The following CNTNAP2 variants were observed in gnomAD, a reference collection of about 807,000 sequenced individuals.
CNTNAP2 encodes the protein contactin associated protein 2, also known as contactin-associated protein-like 2.
CNTNAP2 carries 98 observed loss-of-function variants against 155.2 expected under a neutral mutation model. The observed-to-expected ratio is 0.63, with a 90% CI of 0.54 to 0.75. The LOEUF (loss-of-function observed/expected upper bound fraction) is 0.75. Among genes scored for constraint, CNTNAP2 ranks in the 30% least tolerant of loss-of-function variants. The pLI, the probability that CNTNAP2 is intolerant of heterozygous loss-of-function variation, is 0.00. For missense variants in CNTNAP2, 1,727 were observed against 1,688.1 expected (o/e 1.02, Z -0.40); for synonymous variants, 651 against 631.2 (o/e 1.03, Z -0.47).
chr7:147,069,656 AG>A (rs1325352505), intron 4 of CNTNAP2, among the ~76,000 whole-genome samples: 1 of 152,210 alleles, frequency 6.6e-6, no homozygotes, highest in African/African-American at 2.4e-5. Context: ...AAGATATAAA[AG>A]CTGGCCCTTT....
intron 1 of CNTNAP2, among the ~76,000 whole-genome samples, chr7:146,279,445 C>T (rs1800215357): frequency 1.3e-5 from 2 of 151,862 alleles, no homozygotes; most frequent in South Asian, 2.1e-4. Context: ...CACACACACA[C>T]ACACACACAC....
chr7:147,070,338 C>T (rs1799866487), intron 4 of CNTNAP2, among the ~76,000 whole-genome samples: 1 of 152,190 alleles, frequency 6.6e-6, no homozygotes, highest in Non-Finnish European at 1.5e-5. Context: ...AGAAAAAGCA[C>T]ATTGCCTGTC....
intron 1 of CNTNAP2, among the ~76,000 whole-genome samples, chr7:146,227,290 T>C (rs1258020004): frequency 6.6e-6 from 1 of 151,724 alleles, no homozygotes; most frequent in East Asian, 1.9e-4. Flanking sequence ...CTGGGTGTGG[T>C]GGCATGCATC....
intron 1 of CNTNAP2, among the ~76,000 whole-genome samples, chr7:146,741,452 A>C (rs897658556): frequency 6.6e-6 from 1 of 152,192 alleles, no homozygotes; most frequent in Non-Finnish European, 1.5e-5. Flanking sequence ...TTGCTGGTAA[A>C]ATTGTTAGCT....
At chr7:147,087,236 A>G (rs984510812) in intron 4 of CNTNAP2, among the ~76,000 whole-genome samples, 1 of 152,196 alleles carries the variant, frequency 6.6e-6, no homozygotes, top group Non-Finnish European at 1.5e-5. Flanking sequence ...CATTAGATAC[A>G]GTATCTCATT....
At chr7:148,157,406 C>A (rs1805418582) in intron 17 of CNTNAP2, among the ~76,000 whole-genome samples, 2 of 151,992 alleles carry the variant, frequency 1.3e-5, no homozygotes, top group South Asian at 2.1e-4. Context: ...GGGTTAATAT[C>A]CATATTCAAA....
intron 3 of CNTNAP2, among the ~76,000 whole-genome samples, chr7:147,027,157 G>A (rs1798939544): frequency 1.3e-5 from 2 of 152,060 alleles, no homozygotes; most frequent in African/African-American, 2.4e-5. Flanking sequence ...AATGTGTTCA[G>A]AAGTTAAAGT....
chr7:146,923,804 G>T (rs1355485169), intron 3 of CNTNAP2, among the ~76,000 whole-genome samples: 1 of 152,090 alleles, frequency 6.6e-6, no homozygotes, highest in Non-Finnish European at 1.5e-5. Flanking sequence ...CATTTATTTA[G>T]TATATTGGCT....
chr7:146,966,446 G>A (rs750803339), intron 3 of CNTNAP2, among the ~76,000 whole-genome samples: 3 of 152,206 alleles, frequency 2.0e-5, no homozygotes, highest in Non-Finnish European at 4.4e-5. Context: ...AGAACCAGCT[G>A]CCGCCTTTGA....
At chr7:147,368,018 CCCCT>C (rs372164565) in intron 9 of CNTNAP2, among the ~76,000 whole-genome samples, 2,597 of 106,036 alleles carry the variant, frequency 0.024, 152 homozygotes, top group African/African-American at 0.077. Flanking sequence ...CTCTCTCCCC[CCCCT>C]CCCCCTCCTC....
chr7:146,407,380 C>T (rs1290915569), intron 1 of CNTNAP2, among the ~76,000 whole-genome samples: 3 of 152,066 alleles, frequency 2.0e-5, no homozygotes, highest in Non-Finnish European at 4.4e-5. Flanking sequence ...ACTGTGGTTC[C>T]ATATTGAGCA....
intron 12 of CNTNAP2, among the ~76,000 whole-genome samples, chr7:147,582,988 C>G (rs1800537150): frequency 6.6e-6 from 1 of 151,998 alleles, no homozygotes; most frequent in African/African-American, 2.4e-5. Context: ...ATGTGTATTC[C>G]TGGGAAATCT....
At chr7:148,314,978 G>T (rs975493790) in intron 21 of CNTNAP2, among the ~76,000 whole-genome samples, 2 of 152,194 alleles carry the variant, frequency 1.3e-5, no homozygotes, top group African/African-American at 4.8e-5. Context: ...AGATTGAAGT[G>T]TGGCACCAAG....
chr7:146,256,048 A>G (rs1226721280), intron 1 of CNTNAP2, among the ~76,000 whole-genome samples: 1 of 152,210 alleles, frequency 6.6e-6, no homozygotes, highest in Admixed American at 6.5e-5. Context: ...TTTATTGAAC[A>G]TGATTCAGCA....
chr7:147,419,499 C>A lies in CNTNAP2; in HGVS notation c.1670+23719C>A, dbSNP rs549267699. Among the ~76,000 whole-genome samples the A allele has an allele frequency of 5.9e-5, 9 of 152,216 alleles. No homozygotes were observed. In the South Asian group the frequency reaches 1.2e-3, roughly 21 times the overall value. Reference sequence around the variant, plus strand: ...TTCTACATCACATCATACTGTCTAGCAAGATGCCTTATTTTTATTTAATAA... The same window carrying A: ...TTCTACATCACATCATACTGTCTAGAAAGATGCCTTATTTTTATTTAATAA... On this transcript the variant is annotated intron_variant, in intron 10 of 23. Transcript: ENST00000361727.
intron 13 of CNTNAP2, among the ~76,000 whole-genome samples, chr7:147,899,229 A>G (rs1799822375): frequency 6.6e-6 from 1 of 152,166 alleles, no homozygotes; most frequent in Admixed American, 6.5e-5. Context: ...AGTTCCAGCT[A>G]CTCAGGAGGC....
intron 4 of CNTNAP2, among the ~76,000 whole-genome samples, chr7:147,103,194 C>T (rs1383601178): frequency 1.3e-5 from 2 of 152,002 alleles, no homozygotes; most frequent in African/African-American, 4.8e-5. Context: ...AAGTGCTGGG[C>T]TTTAGAATGG....
intron 21 of CNTNAP2, among the ~76,000 whole-genome samples, chr7:148,360,905 A>G (rs7794150): frequency 0.025 from 3,711 of 150,804 alleles, 145 homozygotes; most frequent in African/African-American, 0.085. Context: ...TGCCCCCCAG[A>G]TTCAAGTGAT....
At chr7:147,700,655 C>T (rs1428790867) in intron 13 of CNTNAP2, among the ~76,000 whole-genome samples, 4 of 152,098 alleles carry the variant, frequency 2.6e-5, no homozygotes, top group South Asian at 4.1e-4. Context: ...AACTTGGAAA[C>T]TTATTGGTGT....
Sources: allele counts gnomAD v4.1 joint callset (sites outside exome capture counted in the v4.1 genomes callset), GRCh38; gene constraint gnomAD v4.1.1; transcripts MANE v1.5; gene names NCBI Gene and HGNC (gene_info 2026-07-23, HGNC 2026-07-21).